Variants in KMT2C observed in about 807,000 individuals in gnomAD.
The protein encoded by KMT2C is histone-lysine N-methyltransferase 2C.
KMT2C carries 88 observed loss-of-function variants against 507.9 expected under a neutral mutation model. The observed-to-expected ratio is 0.17, with a 90% CI of 0.15 to 0.21. The LOEUF (loss-of-function observed/expected upper bound fraction) is 0.21. KMT2C is among the 10% of genes least tolerant of loss of function. The probability of loss-of-function intolerance (pLI) is 1.00; values close to 1 mark genes in which losing one functional copy is unlikely to be tolerated. For missense variants in KMT2C, 4,954 were observed against 5,957.8 expected (o/e 0.83, Z 5.55); for synonymous variants, 2,049 against 2,080.8 (o/e 0.98, Z 0.42).
rs370282118 is a variant in KMT2C at position 152,148,958 on chromosome 7, A to G, written c.12969T>C (p.Asp4323=). ...FEAAQVEAKP[D]ELKVTVKLKP... ...TCAGCTTGACTGTCACCTTCAGCTC[A>G]TCTGGCTTGGCCTCGACTTGGGCTG... The change falls in exon 52 of 59, where the codon GAT becomes GAC. Residue 4323 remains aspartate (D), a synonymous_variant. Coordinates refer to ENST00000262189, the MANE Select transcript of KMT2C (RefSeq NM_170606.3). This position sits in a 1 kb window ranked among gnomAD's most constrained non-coding sequence, Gnocchi z 7.1. 74 of 1,605,150 alleles carry G rather than the reference A, an allele frequency of 4.6e-5. No homozygotes were observed. Among genetic ancestry groups the G allele is most frequent in the Non-Finnish European group, 5.8e-5 (68 of 1,175,598 alleles).
At chr7:152,329,872 G>A (rs900123353) in intron 3 of KMT2C, among the ~76,000 whole-genome samples, 4 of 152,086 alleles carry the variant, frequency 2.6e-5, no homozygotes, top group Admixed American at 6.6e-5. Flanking sequence ...CAGGCCCAGT[G>A]TAGTGGCTCA....
intron 56 of KMT2C, 152 bp downstream of exon 56, chr7:152,139,523 G>T: frequency 1.6e-6 from 1 of 641,190 alleles, no homozygotes; most frequent in Non-Finnish European, 2.8e-6. Flanking sequence ...AGATACAACT[G>T]ATAAAAATAC....
At chr7:152,178,716 A>C (rs945988175) in intron 37 of KMT2C, among the ~76,000 whole-genome samples, 2 of 152,224 alleles carry the variant, frequency 1.3e-5, no homozygotes, top group South Asian at 2.1e-4. Context: ...TAAAATGCAG[A>C]AAGAGGCATA....
At chr7:152,201,499 T>C (rs1270533666) in intron 26 of KMT2C, among the ~76,000 whole-genome samples, 1 of 151,664 alleles carries the variant, frequency 6.6e-6, no homozygotes, top group Admixed American at 6.6e-5. Context: ...CTTAAATTTA[T>C]ATTACACTTT....
chr7:152,293,066 A>G (rs555306981), intron 6 of KMT2C, among the ~76,000 whole-genome samples: 1 of 152,310 alleles, frequency 6.6e-6, no homozygotes, highest in East Asian at 1.9e-4. Flanking sequence ...TACCGAATAG[A>G]AAGACTTAGT....
chr7:152,392,292 C>G (rs562846663), intron 1 of KMT2C, among the ~76,000 whole-genome samples: 5 of 152,264 alleles, frequency 3.3e-5, no homozygotes, highest in African/African-American at 1.2e-4. Context: ...ATGATCCAAA[C>G]TCACATACTA....
rs1329670089 is a variant in KMT2C at position 152,394,479 on chromosome 7, C to T, written c.162-35804G>A. Among the ~76,000 whole-genome samples the T allele has an allele frequency of 2.0e-5, 3 of 152,192 alleles. No individual in the cohort carries two copies. In the East Asian group the frequency reaches 5.8e-4, roughly 29 times the overall value. ...CTCACTGTTCCCCGCATCAGCAATG[C>T]TCTTTCCCCAAATATCTGCCTTTGC... is the stretch of plus-strand genomic sequence containing the variant. On this transcript the variant is annotated intron_variant, in intron 1 of 58. Coordinates refer to ENST00000262189, the MANE Select transcript of KMT2C (RefSeq NM_170606.3).
chr7:152,176,222 A>G lies in KMT2C; in HGVS notation c.9231T>C (p.Arg3077=), dbSNP rs2129112626. The change falls in exon 38 of 59, where the codon CGT becomes CGC. Residue 3077 remains arginine, a synonymous_variant. Transcript: ENST00000262189. The part of the protein sequence containing the change: ...QQQRQMQAMI[R]QRSEPFFPNI... ...TAGGGAAGAACGGTTCTGATCGCTG[A>G]CGAATCATGGCTTGCATCTGTCTTT... The G allele has an allele frequency of 6.2e-7, 1 of 1,611,536 alleles. No homozygotes were observed. Among genetic ancestry groups the G allele is most frequent in the Non-Finnish European group, 8.5e-7 (1 of 1,178,586 alleles).
chr7:152,368,493 G>A, intron 1 of KMT2C: 1 of 1,284,718 alleles, frequency 7.8e-7, no homozygotes, highest in South Asian at 1.3e-5. Context: ...AGCTCCAGTG[G>A]CGCCGTGAGC....
rs774398667 is a variant in KMT2C at position 152,183,123 on chromosome 7, T to C, written c.5116A>G (p.Ile1706Val). Residue 1706 changes from isoleucine (I) to valine (V), a missense_variant, in exon 35 of 59, where the codon ATT becomes GTT. Coordinates refer to ENST00000262189, the MANE Select transcript of KMT2C (RefSeq NM_170606.3). ...TCATTTGACATCTGTACTTTATTAA[T>C]GCGTAAAGCAGCTCTGTTATCTCTG... ...KARDNRAALR[I>V]NKVQMSNDSM... 2 of 1,601,490 alleles carry C rather than the reference T, an allele frequency of 1.2e-6. No homozygotes were observed. The highest frequency in any genetic ancestry group is 1.7e-6 in the Non-Finnish European group (2 of 1,176,140).
At position 152,135,597 on chromosome 7, in the gene KMT2C, G is replaced by A. The variant is rs752014508; in HGVS notation, c.*1235C>T. On this transcript the variant is annotated 3_prime_UTR_variant, in exon 59 of 59. Transcript: ENST00000262189. ...AGTTTCTGCTACATGATCCTATTACGTTTACATGATTCTCTGTGGCTGAAA... is the reference window on the plus strand; with the variant it reads ...AGTTTCTGCTACATGATCCTATTACATTTACATGATTCTCTGTGGCTGAAA... The A allele has an allele frequency of 1.8e-5, 4 of 224,446 alleles. No individual in the cohort carries two copies. Among genetic ancestry groups the A allele is most frequent in the Non-Finnish European group, 3.5e-5 (4 of 112,826 alleles). 13.9% of individuals were successfully genotyped at this position (224,446 alleles called of 1,614,324 possible).
At chr7:152,190,683 A>G (rs2093765571) in intron 31 of KMT2C, among the ~76,000 whole-genome samples, 1 of 152,184 alleles carries the variant, frequency 6.6e-6, no homozygotes, top group South Asian at 2.1e-4. Context: ...ACATAAAGGT[A>G]TTTCAAGTTA....
intron 18 of KMT2C, among the ~76,000 whole-genome samples, chr7:152,226,219 C>CTTTTTTTTTTTTTTTTTT (rs869076803): frequency 1.8e-4 from 17 of 94,948 alleles, no homozygotes; most frequent in African/African-American, 6.3e-4. Flanking sequence ...ATTACAAGGC[C>CTTTTTTTTTTTTTTTTTT]TTTTTTTTTT....
chr7:152,177,210 A>C lies in KMT2C; in HGVS notation c.8243T>G (p.Leu2748Arg). The change falls in exon 38 of 59, where the codon CTC (leucine) becomes CGC (arginine). Residue 2748 changes from leucine (L) to arginine (R), a missense_variant. Physicochemically the swap from Leu to Arg is moderately radical, Grantham distance 102 (BLOSUM62 -2). Transcript: ENST00000262189. ...GATATCAAACTCTCCTGACCTTAAGAGGTCATCCAGGTTGGGATCATTAGT... is the reference window on the plus strand; with the variant it reads ...GATATCAAACTCTCCTGACCTTAAGCGGTCATCCAGGTTGGGATCATTAGT... ...LETNDPNLDD[L>R]LRSGEFDIIA... is the part of the protein sequence containing the mutation. 6.2e-7 allele frequency: 1 copy of C among 1,613,934 alleles called. No homozygotes were observed. The highest frequency in any genetic ancestry group is 8.5e-7 in the Non-Finnish European group (1 of 1,179,954).
In KMT2C at chr7:152,174,199, C is replaced by G. The variant is rs749164583; in HGVS notation, c.9306G>C (p.Val3102=). The G allele has an allele frequency of 6.2e-7, 1 of 1,608,266 alleles. No homozygotes were observed. Among genetic ancestry groups the G allele is most frequent in the South Asian group, 1.1e-5 (1 of 90,286 alleles). Residue 3102 remains valine, a synonymous_variant, in exon 39 of 59, where the codon GTG becomes GTC. Coordinates refer to ENST00000262189, the MANE Select transcript of KMT2C (RefSeq NM_170606.3). ...ITDPIMKAKM[V]ALKGINKVMA... ...TCACTTTATTTATACCTTTAAGGGC[C>G]ACCATTTTGGCTTTCATTATAGGAT...
intron 1 of KMT2C, among the ~76,000 whole-genome samples, chr7:152,404,430 T>C (rs1231044655): frequency 6.6e-6 from 1 of 151,876 alleles, no homozygotes. Context: ...AGGTCAAGAG[T>C]TCAAGACCAG....
At chr7:152,400,517 A>C (rs1386568371) in intron 1 of KMT2C, among the ~76,000 whole-genome samples, 1 of 152,230 alleles carries the variant, frequency 6.6e-6, no homozygotes, top group East Asian at 1.9e-4. Flanking sequence ...AGAATCACAC[A>C]GTATCCGACT....
chr7:152,330,574 C>T (rs1169831681), intron 3 of KMT2C, 27 bp downstream of exon 3: 1 of 1,608,510 alleles, frequency 6.2e-7, no homozygotes, highest in South Asian at 1.1e-5. Flanking sequence ...TCACTAATAT[C>T]CAATCCAGCT....
chr7:152,428,580 G>A (rs982687597), intron 1 of KMT2C, among the ~76,000 whole-genome samples: 14 of 149,268 alleles, frequency 9.4e-5, no homozygotes, highest in East Asian at 2.0e-4. Flanking sequence ...GCAGTGAGCC[G>A]AGATCACACC....
Sources: allele counts gnomAD v4.1 joint callset (sites outside exome capture counted in the v4.1 genomes callset), GRCh38; gene constraint gnomAD v4.1.1; non-coding constraint Gnocchi (gnomAD v3.1); transcripts MANE v1.5; gene names NCBI Gene and HGNC (gene_info 2026-07-23, HGNC 2026-07-21).